The following PTPRF variants were observed in gnomAD, a reference collection of about 807,000 sequenced individuals.
The protein encoded by PTPRF is protein tyrosine phosphatase receptor type F.
In PTPRF, 59 loss-of-function variants were observed where a neutral mutation model predicts 201.8. The observed-to-expected ratio is 0.29, with a 90% CI of 0.24 to 0.36. PTPRF has a LOEUF of 0.36. Ranked by LOEUF, PTPRF falls within the 10% of genes least tolerant of loss-of-function variation. The pLI is 1.00. For synonymous variants in PTPRF, 1,088 were observed against 1,089.7 expected (o/e 1.00, Z 0.03); for missense variants, 2,132 against 2,690.5 (o/e 0.79, Z 4.59).
intron 6 of PTPRF, among the ~76,000 whole-genome samples, chr1:43,571,140 C>G (rs569227773): frequency 2.0e-5 from 3 of 152,180 alleles, no homozygotes; most frequent in Non-Finnish European, 4.4e-5. Context: ...GCCTATCACT[C>G]CACTGGATGC....
intron 5 of PTPRF, among the ~76,000 whole-genome samples, chr1:43,558,925 A>G (rs901946015): frequency 6.6e-6 from 1 of 152,152 alleles, no homozygotes; most frequent in East Asian, 1.9e-4. Flanking sequence ...CCAGACATTC[A>G]GTGGTGTGGG....
At chr1:43,616,448 G>A (rs542071619) in intron 23 of PTPRF, among the ~76,000 whole-genome samples, 8 of 151,986 alleles carry the variant, frequency 5.3e-5, no homozygotes, top group Non-Finnish European at 1.0e-4. Context: ...GGGTCAGAGT[G>A]GGACAAGAGG....
At position 43,613,792 on chromosome 1, in the gene PTPRF, G is replaced by A. The variant is rs1407701920; in HGVS notation, c.4071+77G>A. The A allele has an allele frequency of 3.9e-6, 5 of 1,289,908 alleles. No homozygotes were observed. The Admixed American group carries it at 6.9e-5, about 18-fold the overall frequency. 79.9% of individuals were successfully genotyped at this position (1,289,908 alleles called of 1,614,324 possible). A position where few individuals can be genotyped will look rare whatever the true frequency, so the allele number is the denominator to read the frequency against. ...AGCTCCTGTCCTGTCCTAGGTCCCA[G>A]CTGTGGTGGGTGAGGAAGCAGGGGT... On this transcript the variant is annotated intron_variant, in intron 23 of 33. Transcript: ENST00000359947.
chr1:43,612,398 T>C (rs1271019267), intron 22 of PTPRF, among the ~76,000 whole-genome samples: 1 of 152,022 alleles, frequency 6.6e-6, no homozygotes, highest in Admixed American at 6.6e-5. Context: ...AGGAGGGCTC[T>C]TTTTTCCAAC....
chr1:43,574,154 G>A (rs1461872866), intron 6 of PTPRF, among the ~76,000 whole-genome samples: 2 of 151,528 alleles, frequency 1.3e-5, no homozygotes, highest in Admixed American at 6.6e-5. Context: ...GAGTCACCAC[G>A]CCTGGGTAAT....
chr1:43,564,774 C>T (rs889094186), intron 5 of PTPRF, among the ~76,000 whole-genome samples: 17 of 152,208 alleles, frequency 1.1e-4, no homozygotes, highest in African/African-American at 3.9e-4. Flanking sequence ...GGAGACGCCA[C>T]GAAGCTGGGT....
chr1:43,574,059 C>T (rs371131229), intron 6 of PTPRF, among the ~76,000 whole-genome samples: 1 of 131,356 alleles, frequency 7.6e-6, no homozygotes, highest in Non-Finnish European at 1.5e-5. Context: ...TGCAATGGCG[C>T]GATCTCGGCT....
At chr1:43,566,473 T>G (rs1192362397) in intron 5 of PTPRF, among the ~76,000 whole-genome samples, 1 of 152,228 alleles carries the variant, frequency 6.6e-6, no homozygotes, top group African/African-American at 2.4e-5. Flanking sequence ...TCTGAGGAGT[T>G]GCCCAGGTCC....
chr1:43,548,156 A>G (rs1644799893), intron 3 of PTPRF, among the ~76,000 whole-genome samples: 1 of 141,590 alleles, frequency 7.1e-6, no homozygotes, highest in South Asian at 2.6e-4. Flanking sequence ...GTTGCGGGGA[A>G]GAAGCACGAA....
At position 43,558,526 on chromosome 1, in the gene PTPRF, G is replaced by T. The variant is rs370145440; in HGVS notation, c.379+4585G>T. 1.3e-4 allele frequency among the ~76,000 whole-genome samples: 20 copies of T among 152,320 alleles called. No homozygotes were observed. The East Asian group carries it at 3.9e-3, about 29-fold the overall frequency. ...GGGGTGCCCAGCACAAGCTGGCCGG[G>T]GTGAGCCTGTCCTGGCTGTGATGAG... On this transcript the variant is annotated intron_variant, in intron 5 of 33. Transcript: ENST00000359947.
At chr1:43,559,201 C>T (rs2153978084) in intron 5 of PTPRF, among the ~76,000 whole-genome samples, 2 of 151,808 alleles carry the variant, frequency 1.3e-5, no homozygotes, top group East Asian at 3.9e-4. Flanking sequence ...AGGGGTGCTG[C>T]CTTGCAAGCT....
At position 43,583,745 on chromosome 1, in the gene PTPRF, A is replaced by T. The variant is rs116087285; in HGVS notation, c.679+4825A>T. On this transcript the variant is annotated intron_variant, in intron 7 of 33. Transcript: ENST00000359947. ...GCAGGGTGAGTAGCGTCATCTTGGC[A>T]CCCTGAGGAAGTCTCCCATAAGGTT... Among the ~76,000 whole-genome samples the T allele has an allele frequency of 2.9e-3, 436 of 151,926 alleles. 3 individuals are homozygous for T. The highest frequency in any genetic ancestry group is 2.6e-3 in the Non-Finnish European group (179 of 67,948).
chr1:43,543,751 G>A (rs554802067), intron 2 of PTPRF, among the ~76,000 whole-genome samples: 59 of 152,322 alleles, frequency 3.9e-4, no homozygotes, highest in South Asian at 6.2e-4. Flanking sequence ...GTGGGTCAGC[G>A]GGGACCTGGG....
At chr1:43,606,496 C>G (rs756567504) in intron 20 of PTPRF, 38 bp downstream of exon 20, 3 of 1,572,736 alleles carry the variant, frequency 1.9e-6, no homozygotes, top group Non-Finnish European at 1.7e-6. Context: ...CACCCTGATT[C>G]CCTGGGCCTG....
chr1:43,619,290 C>T lies in PTPRF; in HGVS notation c.4649C>T (p.Ala1550Val), dbSNP rs756268896. 11 of 1,613,058 alleles carry T rather than the reference C, an allele frequency of 6.8e-6. No homozygotes were observed. Among genetic ancestry groups the T allele is most frequent in the South Asian group, 1.1e-5 (1 of 91,054 alleles). Reference protein sequence around the residue: ...DAGPMVVHCSAGVGRTGCFIV... With the variant: ...DAGPMVVHCSVGVGRTGCFIV... ...CAAGCTGAGCCCGTGTCCTGCAGCG[C>T]GGGCGTGGGCCGCACCGGCTGCTTC... Residue 1550 changes from alanine to valine, a missense_variant and splice_region_variant, in exon 28 of 34, where the codon GCG becomes GTG. Transcript: ENST00000359947.
chr1:43,529,991 A>G (rs978055378), upstream of PTPRF, among the ~76,000 whole-genome samples: 2 of 152,014 alleles, frequency 1.3e-5, no homozygotes, highest in Admixed American at 1.3e-4. Flanking sequence ...GGTTGACACT[A>G]GGTCAGAGAA....
chr1:43,602,917 G>A (rs971250518), intron 14 of PTPRF, among the ~76,000 whole-genome samples: 8 of 152,170 alleles, frequency 5.3e-5, no homozygotes, highest in Non-Finnish European at 1.0e-4. Context: ...TATGGGGGCA[G>A]CGGAGTCCTG....
intron 6 of PTPRF, among the ~76,000 whole-genome samples, chr1:43,577,736 G>A (rs1244483605): frequency 6.6e-6 from 1 of 152,196 alleles, no homozygotes; most frequent in African/African-American, 2.4e-5. Context: ...GTCAGGTTAG[G>A]CTGGCTGTTC....
rs746601283 is a variant in PTPRF, at chr1:43,604,192, G to A, written c.3037+3G>A. ...CCGGACCATGCCGGTGGAGCAAGGTGTGTGCTGTGGACATGGCATCCCTTC... is the reference window on the plus strand; with the variant it reads ...CCGGACCATGCCGGTGGAGCAAGGTATGTGCTGTGGACATGGCATCCCTTC... On this transcript the variant is annotated splice_donor_region_variant and intron_variant, in intron 16 of 33. Transcript: ENST00000359947. The A allele has an allele frequency of 2.5e-6, 4 of 1,612,134 alleles. No individual in the cohort carries two copies. Among genetic ancestry groups the A allele is most frequent in the South Asian group, 2.2e-5 (2 of 90,980 alleles).
Sources: gnomAD v4.1 joint callset for allele counts (sites outside exome capture counted in the v4.1 genomes callset) on GRCh38, gnomAD v4.1.1 for gene constraint, MANE v1.5 for transcripts, NCBI Gene and HGNC (gene_info 2026-07-23, HGNC 2026-07-21) for gene names.